The following MIER2 variants were observed in gnomAD, a reference collection of about 807,000 sequenced individuals.
MIER2 encodes the protein mesoderm induction early response protein 2.
In MIER2, 30 loss-of-function variants were observed where a neutral mutation model predicts 67.6. That is an observed-to-expected ratio of 0.44 (90% CI 0.33 to 0.60). The LOEUF (loss-of-function observed/expected upper bound fraction) is 0.60. Among genes scored for constraint, MIER2 ranks in the 20% least tolerant of loss-of-function variants. The pLI is 0.02. For missense variants in MIER2, 702 were observed against 745.1 expected (o/e 0.94, Z 0.67); for synonymous variants, 372 against 312.6 (o/e 1.19, Z -2.00).
chr19:332,167 G>A (rs150810446), intron 3 of MIER2, among the ~76,000 whole-genome samples: 1 of 151,872 alleles, frequency 6.6e-6, no homozygotes, highest in African/African-American at 2.4e-5. Flanking sequence ...CTACAGACGT[G>A]CACCACCACG....
intron 7 of MIER2, among the ~76,000 whole-genome samples, chr19:315,352 C>G (rs1010856362): frequency 6.6e-6 from 1 of 152,228 alleles, no homozygotes; most frequent in Non-Finnish European, 1.5e-5. Flanking sequence ...GCGAGAAGAG[C>G]GAGACTCCGT....
chr19:329,238 A>G (rs530053982), intron 3 of MIER2, among the ~76,000 whole-genome samples: 2 of 152,236 alleles, frequency 1.3e-5, no homozygotes, highest in East Asian at 1.9e-4. Flanking sequence ...GCCCTTCTCC[A>G]GGTGGAATAT....
At chr19:319,000 T>G (rs923260070) in intron 7 of MIER2, among the ~76,000 whole-genome samples, 5 of 144,012 alleles carry the variant, frequency 3.5e-5, no homozygotes, top group African/African-American at 1.3e-4. Flanking sequence ...GAGCTTGCAG[T>G]GAACAGAGTT....
At chr19:323,192 C>T (rs1971569693) in intron 7 of MIER2, among the ~76,000 whole-genome samples, 1 of 149,170 alleles carries the variant, frequency 6.7e-6, no homozygotes, top group African/African-American at 2.5e-5. Flanking sequence ...CATCACAATG[C>T]AATATACAAG....
At chr19:335,559 G>A (rs1422271950) in intron 2 of MIER2, among the ~76,000 whole-genome samples, 1 of 152,326 alleles carries the variant, frequency 6.6e-6, no homozygotes, top group East Asian at 1.9e-4. Context: ...CTGGCAGAAG[G>A]AGCCCAGCCA....
At position 307,518 on chromosome 19, in the gene MIER2, C is replaced by G. The variant is rs773616708; in HGVS notation, c.1217G>C (p.Gly406Ala). ...GMRTDPLSVD[G>A]TAGGLDEPGV... ...GGGCTCATCGAGACCACCGGCCGTG[C>G]CATCCACGCTCAGTGGATCTGTGAA... The change falls in exon 13 of 14, where the codon GGC becomes GCC. Residue 406 changes from glycine (G) to alanine (A), a missense_variant. Gly to Ala is a moderately conservative substitution (Grantham distance 60). This residue lies in a region of MIER2 where 254 missense variants were observed against 262.8 expected (regional missense o/e 0.97). Coordinates refer to ENST00000264819, the MANE Select transcript of MIER2 (RefSeq NM_017550.3). 1.3e-6 allele frequency: 2 copies of G among 1,511,458 alleles called. No individual in the cohort carries two copies. Among genetic ancestry groups the G allele is most frequent in the Non-Finnish European group, 8.8e-7 (1 of 1,135,946 alleles). The allele number at this position is 1,511,458 out of a possible 1,614,324, so 93.6% of individuals were successfully genotyped here.
chr19:323,430 G>GAC (rs199961134), intron 7 of MIER2, among the ~76,000 whole-genome samples: 1 of 144,760 alleles, frequency 6.9e-6, no homozygotes, highest in Non-Finnish European at 1.5e-5. Flanking sequence ...CAATACACAG[G>GAC]ACACACACAC....
rs1239993028 is a variant in MIER2 at position 307,238 on chromosome 19, T to C, written c.1497A>G (p.Pro499=). Residue 499 remains proline (P), a synonymous_variant, in exon 13 of 14, where the codon CCA becomes CCG. Coordinates refer to ENST00000264819, the MANE Select transcript of MIER2 (RefSeq NM_017550.3). The stretch of plus-strand genomic sequence containing the variant: ...CGGTGACCGACAAAGCCACCTGTGC[T>C]GGGGCCACAGTCTCCTCCGGATCCC... ...LSGDPEETVA[P]AQVALSVTEF... 22 of 1,593,762 alleles carry C rather than the reference T, an allele frequency of 1.4e-5. No individual in the cohort carries two copies. The highest frequency in any genetic ancestry group is 1.8e-5 in the Non-Finnish European group (21 of 1,170,598).
chr19:341,843 G>C (rs1174358938), intron 1 of MIER2, among the ~76,000 whole-genome samples: 2 of 152,212 alleles, frequency 1.3e-5, no homozygotes, highest in Admixed American at 1.3e-4. Context: ...GTCCACCAGG[G>C]TCTTCAGGCA....
At chr19:318,928 G>C (rs1293488307) in intron 7 of MIER2, among the ~76,000 whole-genome samples, 1 of 151,882 alleles carries the variant, frequency 6.6e-6, no homozygotes, top group African/African-American at 2.4e-5. Context: ...GTGGTGGTGG[G>C]CGCCTATAGT....
At position 308,568 on chromosome 19, in the gene MIER2, A is replaced by G; in HGVS notation, c.1198+9T>C. 6.3e-7 allele frequency: 1 copy of G among 1,593,296 alleles called. No homozygotes were observed. Among genetic ancestry groups the G allele is most frequent in the Non-Finnish European group, 8.5e-7 (1 of 1,172,028 alleles). On this transcript the variant is annotated intron_variant, in intron 12 of 13. Transcript: ENST00000264819. The surrounding 1 kb of genome is among the most constrained non-coding windows in gnomAD (Gnocchi z 9.1). Reference sequence around the variant, plus strand: ...GCCCCCAGGGCAGGAGATACTCCCCAAGCCTCACCTGTGCGCATCCCAGTC... The same window carrying G: ...GCCCCCAGGGCAGGAGATACTCCCCGAGCCTCACCTGTGCGCATCCCAGTC...
intron 1 of MIER2, among the ~76,000 whole-genome samples, chr19:341,573 G>A (rs756096307): frequency 2.6e-5 from 4 of 152,024 alleles, no homozygotes; most frequent in African/African-American, 7.2e-5. Context: ...TCTTCCTCCC[G>A]CTGCCCCTGC....
chr19:309,445 G>C lies in MIER2; in HGVS notation c.985-520C>G, dbSNP rs72984405. Among the ~76,000 whole-genome samples, 489 of 139,794 alleles carry C rather than the reference G, an allele frequency of 3.5e-3. 16 individuals are homozygous for C. Among genetic ancestry groups the C allele is most frequent in the Non-Finnish European group, 3.2e-3 (205 of 63,666 alleles). 91.7% of individuals were successfully genotyped at this position (139,794 alleles called of 152,430 possible). ...CGAACACATCCCTCCAGGGCCCAGC[G>C]AATGCTTCCCAAGTGCACAGAAGAC... On this transcript the variant is annotated intron_variant, in intron 10 of 13. Coordinates refer to ENST00000264819, the MANE Select transcript of MIER2 (RefSeq NM_017550.3).
At chr19:312,086 C>T (rs570606955) in intron 9 of MIER2, 105 bp downstream of exon 9, 57 of 1,294,464 alleles carry the variant, frequency 4.4e-5, no homozygotes, top group South Asian at 6.8e-5. Flanking sequence ...CGGTCAGCGG[C>T]GCCCAGGGCG....
At chr19:315,788 G>A (rs7246500) in intron 7 of MIER2, among the ~76,000 whole-genome samples, 92,459 of 152,154 alleles carry the variant, frequency 0.61, 30,802 homozygotes, top group African/African-American at 0.89. Flanking sequence ...ATCTGAAGAG[G>A]TAACAGCCAA....
rs1355531170 is a variant in MIER2, at chr19:308,152, C to T, written c.1198+425G>A. On this transcript the variant is annotated intron_variant, in intron 12 of 13. Transcript: ENST00000264819. The surrounding 1 kb of genome is among the most constrained non-coding windows in gnomAD (Gnocchi z 9.1). Reference sequence around the variant, plus strand: ...ACCACCATCGGACATGGTCCCTACCCGAGGCCCTGCTGTGCTCCGTCATGG... The same window carrying T: ...ACCACCATCGGACATGGTCCCTACCTGAGGCCCTGCTGTGCTCCGTCATGG... Among the ~76,000 whole-genome samples the T allele has an allele frequency of 6.6e-6, 1 of 152,164 alleles. No individual in the cohort carries two copies. The highest frequency in any genetic ancestry group is 1.9e-4 in the East Asian group (1 of 5,180).
rs1971771720 is a variant in MIER2, at chr19:326,766, C to T, written c.494-168G>A. Reference sequence around the variant, plus strand: ...ACAGGACCCAGGACCAGGGATGCACCTTTGAAGAAAGAGGCCTTCCCTTCT... The same window carrying T: ...ACAGGACCCAGGACCAGGGATGCACTTTTGAAGAAAGAGGCCTTCCCTTCT... On this transcript the variant is annotated intron_variant, in intron 5 of 13. Transcript: ENST00000264819. The T allele has an allele frequency of 3.2e-6, 2 of 618,478 alleles. 1 individual carries two copies. 38.3% of individuals were successfully genotyped at this position (618,478 alleles called of 1,614,324 possible).
chr19:328,517 G>C (rs1191861396), intron 3 of MIER2, among the ~76,000 whole-genome samples: 1 of 151,976 alleles, frequency 6.6e-6, no homozygotes, highest in African/African-American at 2.4e-5. Flanking sequence ...GAAGGCTACA[G>C]CAGGCAGATC....
intron 7 of MIER2, among the ~76,000 whole-genome samples, chr19:318,566 G>A (rs1971358843): frequency 6.6e-6 from 1 of 152,178 alleles, no homozygotes; most frequent in Non-Finnish European, 1.5e-5. Context: ...TACAGATGAT[G>A]TGAACAACAA....
Sources: allele counts gnomAD v4.1 joint callset (sites outside exome capture counted in the v4.1 genomes callset), GRCh38; gene constraint gnomAD v4.1.1; regional missense constraint gnomAD v4.1.1; non-coding constraint Gnocchi (gnomAD v3.1); transcripts MANE v1.5; gene names NCBI Gene and HGNC (gene_info 2026-07-23, HGNC 2026-07-21).